Variants in TMEM221 observed in about 807,000 individuals in gnomAD.
The protein encoded by TMEM221 is Putative transmembrane protein ENSP00000342162.
TMEM221 carries 11 observed loss-of-function variants against 10.2 expected under a neutral mutation model. The ratio of observed to expected loss-of-function variants is 1.08; its 90% CI spans 0.68 to 1.79. TMEM221 has a LOEUF of 1.79. TMEM221 is among the 40% of genes most tolerant of loss of function. TMEM221 has a pLI of 0.00. For synonymous variants in TMEM221, 172 were observed against 199.8 expected, an observed-to-expected ratio of 0.86 and a Z score of 1.18; for missense variants, 382 against 417.7, an observed-to-expected ratio of 0.91 and a Z score of 0.75.
At chr19:17,444,518 C>CT (rs71162133) in intron 2 of TMEM221, among the ~76,000 whole-genome samples, 77,164 of 92,074 alleles carry the variant, frequency 0.84, 33,541 homozygotes, top group Non-Finnish European at 0.89. Context: ...CATCCACGGG[C>CT]TTTTTTTTTT....
chr19:17,448,213 T>C lies in TMEM221; in HGVS notation c.250A>G (p.Thr84Ala), dbSNP rs1426726304. Reference protein sequence around the residue: ...LAALVLVLGFTCLLLAALCGH... With the variant: ...LAALVLVLGFACLLLAALCGH... The stretch of plus-strand genomic sequence containing the variant: ...CAGAGCGCGGCGAGCAGCAAGCAGG[T>C]GAACCCCAGCACGAGCACCAGCGCG... The change falls in exon 1 of 3, where the codon ACC becomes GCC. Residue 84 changes from threonine (T) to alanine (A), a missense_variant. Thr to Ala is a moderately conservative substitution (Grantham distance 58). Transcript: ENST00000341130. This position sits in a 1 kb window ranked among gnomAD's most constrained non-coding sequence, Gnocchi z 4.7. 5 of 1,425,176 alleles carry C rather than the reference T, an allele frequency of 3.5e-6. No individual in the cohort carries two copies. In the South Asian group the frequency reaches 4.2e-5, roughly 12 times the overall value. The allele number at this position is 1,425,176 out of a possible 1,614,324, so 88.3% of individuals were successfully genotyped here.
In TMEM221 at chr19:17,436,685, G is replaced by A. The variant is rs745889741; in HGVS notation, c.649C>T (p.Arg217Trp). Residue 217 changes from arginine (R) to tryptophan (W), a missense_variant, in exon 3 of 3, where the codon CGG (arginine) becomes TGG (tryptophan). Transcript: ENST00000341130. ...RAQPQQGIHRRTPYSTCPEPG... is the reference protein window; with the variant it reads ...RAQPQQGIHRWTPYSTCPEPG... ...TCTGGACAGGTTGAATAGGGGGTCC[G>A]ACGATGGATACCCTGCTGAGGCTGA... 61 of 1,534,834 alleles carry A rather than the reference G, an allele frequency of 4.0e-5. No homozygotes were observed. The highest frequency in any genetic ancestry group is 1.7e-4 in the Middle Eastern group (1 of 6,010).
In TMEM221 at chr19:17,440,222, A is replaced by ATT. The variant is rs71162130; in HGVS notation, c.407-3297_407-3296dup. ...AATAAAATACACTGGTTAAAATGGTATTTTTTTTTTTTTTTTTTTTTTGAG... is the reference window on the plus strand; with the variant it reads ...AATAAAATACACTGGTTAAAATGGTATTTTTTTTTTTTTTTTTTTTTTTTGAG... On this transcript the variant is annotated intron_variant, in intron 2 of 2. Coordinates refer to ENST00000341130, the MANE Select transcript of TMEM221 (RefSeq NM_001190844.2). Among the ~76,000 whole-genome samples the ATT allele has an allele frequency of 9.2e-4, 89 of 96,414 alleles. 3 individuals carry two copies. The highest frequency in any genetic ancestry group is 2.1e-3 in the East Asian group (7 of 3,390). 63.3% of individuals were successfully genotyped at this position (96,414 alleles called of 152,430 possible). A position where few individuals can be genotyped will look rare whatever the true frequency, so the allele number is the denominator to read the frequency against.
chr19:17,445,065 C>T, intron 2 of TMEM221, 134 bp downstream of exon 2: 1 of 760,620 alleles, frequency 1.3e-6, no homozygotes, highest in Non-Finnish European at 2.1e-6. Context: ...GCCCAAGGCA[C>T]CAAAGCAAAG....
At chr19:17,444,752 A>G (rs1411294343) in intron 2 of TMEM221, 1 of 142,656 alleles carries the variant, frequency 7.0e-6, no homozygotes, top group Non-Finnish European at 1.5e-5. Context: ...ATTAATATAA[A>G]CATATAAATA....
chr19:17,442,095 A>G (rs1568397994), intron 2 of TMEM221, among the ~76,000 whole-genome samples: 1 of 151,882 alleles, frequency 6.6e-6, no homozygotes, highest in Non-Finnish European at 1.5e-5. Flanking sequence ...TAGGTCTTTA[A>G]TATTTCTGTT....
Position 17,448,549 on chromosome 19 carries a change from T to C in TMEM221, c.-87A>G. On this transcript the variant is annotated 5_prime_UTR_variant, in exon 1 of 3. Transcript: ENST00000341130. The surrounding 1 kb of genome is among the most constrained non-coding windows in gnomAD (Gnocchi z 4.7). ...GGAGTTGGGGGGAATCCGAGGGTCC[T>C]CAGGGGGTCCCCGAGGGGGCGGGGC... 2 of 1,010,314 alleles carry C rather than the reference T, an allele frequency of 2.0e-6. No homozygotes were observed. Among genetic ancestry groups the C allele is most frequent in the Non-Finnish European group, 2.6e-6 (2 of 771,202 alleles). The allele number at this position is 1,010,314 out of a possible 1,614,324, so 62.6% of individuals were successfully genotyped here.
In TMEM221 at chr19:17,436,492, G is replaced by A. The variant is rs1360759386; in HGVS notation, c.842C>T (p.Pro281Leu). Residue 281 changes from proline (P) to leucine (L), a missense_variant, in exon 3 of 3, where the codon CCA (proline) becomes CTA (leucine). Physicochemically the swap from Pro to Leu is moderately conservative, Grantham distance 98. Coordinates refer to ENST00000341130, the MANE Select transcript of TMEM221 (RefSeq NM_001190844.2). ...HEMRRMLGHR[P>L]GSMGKDSTLV ...TGTGGAGTCCTTCCCCATGCTCCCT[G>A]GTCTGTGGCCCAGCATTCGACGCAT... The A allele has an allele frequency of 6.5e-7, 1 of 1,532,268 alleles. No homozygotes were observed. The highest frequency in any genetic ancestry group is 8.7e-7 in the Non-Finnish European group (1 of 1,144,272). 94.9% of individuals were successfully genotyped at this position (1,532,268 alleles called of 1,614,324 possible).
intron 2 of TMEM221, among the ~76,000 whole-genome samples, chr19:17,443,141 C>T (rs1024103539): frequency 2.0e-5 from 3 of 151,734 alleles, no homozygotes; most frequent in African/African-American, 4.8e-5. Flanking sequence ...ATTAGCTGGG[C>T]GTGGTGGTGG....
chr19:17,445,563 C>T (rs575049989), intron 1 of TMEM221, among the ~76,000 whole-genome samples: 27 of 152,252 alleles, frequency 1.8e-4, no homozygotes, highest in Non-Finnish European at 3.2e-4. Context: ...TTCATCCATT[C>T]ATCCATTTAT....
chr19:17,439,123 C>T (rs1331954601), intron 2 of TMEM221, among the ~76,000 whole-genome samples: 2 of 149,136 alleles, frequency 1.3e-5, no homozygotes, highest in African/African-American at 4.9e-5. Flanking sequence ...AGGAGAATGG[C>T]GTGAACCTGG....
intron 1 of TMEM221, among the ~76,000 whole-genome samples, chr19:17,447,838 C>T (rs1039987535): frequency 2.0e-5 from 3 of 152,218 alleles, no homozygotes; most frequent in African/African-American, 7.2e-5. Flanking sequence ...AGAGCTCAGC[C>T]TCCCCTGTTT....
intron 2 of TMEM221, among the ~76,000 whole-genome samples, chr19:17,443,005 G>C (rs542815394): frequency 2.0e-5 from 3 of 151,996 alleles, no homozygotes; most frequent in Non-Finnish European, 4.4e-5. Flanking sequence ...AGGGCCGGGC[G>C]TGGTGGCTCA....
At position 17,448,126 on chromosome 19, in the gene TMEM221, G is replaced by A. The variant is rs2074959534; in HGVS notation, c.320+17C>T. 7.4e-7 allele frequency: 1 copy of A among 1,355,540 alleles called. No individual in the cohort carries two copies. The highest frequency in any genetic ancestry group is 9.5e-7 in the Non-Finnish European group (1 of 1,058,190). 84.0% of individuals were successfully genotyped at this position (1,355,540 alleles called of 1,614,324 possible). A position where few individuals can be genotyped will look rare whatever the true frequency, so the allele number is the denominator to read the frequency against. On this transcript the variant is annotated intron_variant, in intron 1 of 2. Coordinates refer to ENST00000341130, the MANE Select transcript of TMEM221 (RefSeq NM_001190844.2). This position sits in a 1 kb window ranked among gnomAD's most constrained non-coding sequence, Gnocchi z 4.7. ...CCCCCAGCCGGGCCTCCGAGGCGGT[G>A]AGGCCAGTCCTCCTACCTCCTGGGG...
At chr19:17,446,115 T>C (rs2074952278) in intron 1 of TMEM221, among the ~76,000 whole-genome samples, 1 of 151,704 alleles carries the variant, frequency 6.6e-6, no homozygotes, top group Non-Finnish European at 1.5e-5. Flanking sequence ...CCCTCTGCTA[T>C]CCTATCTATC....
At chr19:17,438,551 G>A (rs1161327274) in intron 2 of TMEM221, among the ~76,000 whole-genome samples, 1 of 151,916 alleles carries the variant, frequency 6.6e-6, no homozygotes, top group East Asian at 1.9e-4. Flanking sequence ...GCAATGAGTA[G>A]GGGGATTTTG....
chr19:17,439,362 T>C (rs2074922604), intron 2 of TMEM221, among the ~76,000 whole-genome samples: 2 of 151,242 alleles, frequency 1.3e-5, no homozygotes, highest in Admixed American at 6.6e-5. Context: ...AGCCACAGAG[T>C]GTGAGGTGTC....
At position 17,448,603 on chromosome 19, in the gene TMEM221, T is replaced by C. The variant is rs954766794; in HGVS notation, c.-141A>G. The C allele has an allele frequency of 7.9e-5, 40 of 506,240 alleles. No homozygotes were observed. Among genetic ancestry groups the C allele is most frequent in the African/African-American group, 7.7e-4 (38 of 49,054 alleles). 31.4% of individuals were successfully genotyped at this position (506,240 alleles called of 1,614,324 possible). A position where few individuals can be genotyped will look rare whatever the true frequency, so the allele number is the denominator to read the frequency against. On this transcript the variant is annotated 5_prime_UTR_variant, in exon 1 of 3. Transcript: ENST00000341130. The surrounding 1 kb of genome is among the most constrained non-coding windows in gnomAD (Gnocchi z 4.7). ...AGGGAGTGTCTGAAAGTTCGGGGAC[T>C]GGGCTGGGGGTCGCCAGACGGACGG...
rs1314106006 is a variant in TMEM221 at position 17,448,511 on chromosome 19, T to G, written c.-49A>C. On this transcript the variant is annotated 5_prime_UTR_variant, in exon 1 of 3. Transcript: ENST00000341130. This position sits in a 1 kb window ranked among gnomAD's most constrained non-coding sequence, Gnocchi z 4.7. ...GGAAGAGTTGAGGAATTGAAGTGGT[T>G]TTAGAGGGCAGGGGAGTTGGGGGGA... The G allele has an allele frequency of 5.7e-6, 8 of 1,395,962 alleles. No homozygotes were observed. The highest frequency in any genetic ancestry group is 3.2e-5 in the East Asian group (1 of 31,428). 86.5% of individuals were successfully genotyped at this position (1,395,962 alleles called of 1,614,324 possible). A position where few individuals can be genotyped will look rare whatever the true frequency, so the allele number is the denominator to read the frequency against.
Sources: allele counts gnomAD v4.1 joint callset (sites outside exome capture counted in the v4.1 genomes callset), GRCh38; gene constraint gnomAD v4.1.1; non-coding constraint Gnocchi (gnomAD v3.1); transcripts MANE v1.5; gene names NCBI Gene and HGNC (gene_info 2026-07-23, HGNC 2026-07-21).